DDX19A: variants seen among roughly 807,000 people sequenced by gnomAD.
The protein encoded by DDX19A is DEAD-box helicase 19A, also known as ATP-dependent RNA helicase DDX19A.
A neutral mutation model predicts 60.6 loss-of-function variants in DDX19A; 12 were observed. That is an observed-to-expected ratio of 0.20 (90% CI 0.13 to 0.32). The LOEUF (loss-of-function observed/expected upper bound fraction) is 0.32, where lower values mean the gene tolerates loss of function less well. DDX19A is among the 10% of genes least tolerant of loss of function. DDX19A has a pLI of 1.00. For synonymous variants in DDX19A, 206 were observed against 218.2 expected (o/e 0.94, Z 0.49); for missense variants, 337 against 600.6 (o/e 0.56, Z 4.59).
At chr16:70,361,611 C>A in intron 5 of DDX19A, 101 bp downstream of exon 5, 1 of 849,642 alleles carries the variant, frequency 1.2e-6, no homozygotes, top group Non-Finnish European at 1.9e-6. Flanking sequence ...TTTGGGGCCA[C>A]GTGTTTCCTC....
chr16:70,356,501 C>A (rs1052072218), intron 4 of DDX19A, among the ~76,000 whole-genome samples: 1 of 151,898 alleles, frequency 6.6e-6, no homozygotes, highest in Non-Finnish European at 1.5e-5. Context: ...GGATTACAGG[C>A]GCCCACCACC....
At position 70,359,714 on chromosome 16, in the gene DDX19A, C is replaced by T. The variant is rs551696405; in HGVS notation, c.294-1704C>T. Among the ~76,000 whole-genome samples, 39 of 151,662 alleles carry T rather than the reference C, an allele frequency of 2.6e-4. No individual in the cohort carries two copies. In the East Asian group the frequency reaches 2.9e-3, roughly 11 times the overall value. On this transcript the variant is annotated intron_variant, in intron 4 of 11. Transcript: ENST00000302243. ...CTACAAAAAATAAAAAAAAATTAGC[C>T]GGGTGTGGTGGCATGTGCCTGCAGC... is the stretch of plus-strand genomic sequence containing the variant.
intron 7 of DDX19A, 61 bp from the exon 8 acceptor site, chr16:70,366,024 T>C (rs1475025255): frequency 6.2e-7 from 1 of 1,612,900 alleles, no homozygotes; most frequent in Non-Finnish European, 8.5e-7. Flanking sequence ...GGGCAGGGCT[T>C]TGATTTCCAG....
chr16:70,361,250 CT>C (rs1197355168), intron 4 of DDX19A, among the ~76,000 whole-genome samples, 167 bp from the exon 5 acceptor site: 1 of 152,080 alleles, frequency 6.6e-6, no homozygotes, highest in Non-Finnish European at 1.5e-5. Context: ...AGGGCGGTAG[CT>C]TGGTTTGATT....
At chr16:70,356,289 C>G (rs750327028) in intron 4 of DDX19A, 42 bp downstream of exon 4, 39 of 1,610,146 alleles carry the variant, frequency 2.4e-5, no homozygotes, top group African/African-American at 4.0e-5. Context: ...TTGCCAGTCT[C>G]TCCCCACATA....
chr16:70,371,940 G>T lies in DDX19A; in HGVS notation c.1391G>T (p.Arg464Ile), dbSNP rs756273958. The T allele has an allele frequency of 3.1e-6, 5 of 1,613,872 alleles. No homozygotes were observed. The highest frequency in any genetic ancestry group is 1.3e-5 in the African/African-American group (1 of 74,944). Residue 464 changes from arginine to isoleucine, a missense_variant, in exon 12 of 12, where the codon AGA (arginine) becomes ATA (isoleucine). Coordinates refer to ENST00000302243, the MANE Select transcript of DDX19A (RefSeq NM_018332.5). The part of the protein sequence containing the change: ...IQEHFNKKIE[R>I]LDTDDLDEIE... ...TTTCCCCCAGATAAGAAGATAGAAA[G>T]ATTGGACACAGATGATTTGGACGAG...
At chr16:70,369,173 GTTTTTTTTT>G (rs560443179) in intron 9 of DDX19A, among the ~76,000 whole-genome samples, 1 of 96,342 alleles carries the variant, frequency 1.0e-5, no homozygotes, top group Middle Eastern at 8.1e-3. Flanking sequence ...GGCCAATCTG[GTTTTTTTTT>G]TTTTTTTTTT....
chr16:70,347,132 G>A (rs1963856801), intron 1 of DDX19A, 84 bp downstream of exon 1: 1 of 1,406,248 alleles, frequency 7.1e-7, no homozygotes, highest in Non-Finnish European at 9.8e-7. Context: ...CCCCGGGTTG[G>A]GGAGGCCCCT....
At chr16:70,363,762 T>A (rs1314507311) in intron 5 of DDX19A, 1 of 152,058 alleles carries the variant, frequency 6.6e-6, no homozygotes, top group Non-Finnish European at 1.5e-5. Flanking sequence ...TTTTGTGAGA[T>A]GGAGTCTCGC....
At position 70,373,206 on chromosome 16, in the gene DDX19A, C is replaced by T. The variant is rs2047308448; in HGVS notation, c.*1220C>T. Reference sequence around the variant, plus strand: ...TGAAATGGCGCCACTGCACTCCAGCCTGGGTAACAGAGCGAGACCCCGACT... The same window carrying T: ...TGAAATGGCGCCACTGCACTCCAGCTTGGGTAACAGAGCGAGACCCCGACT... On this transcript the variant is annotated 3_prime_UTR_variant, in exon 12 of 12. Coordinates refer to ENST00000302243, the MANE Select transcript of DDX19A (RefSeq NM_018332.5). 6.6e-6 allele frequency: 1 copy of T among 152,158 alleles called. No individual in the cohort carries two copies. Among genetic ancestry groups the T allele is most frequent in the South Asian group, 2.1e-4 (1 of 4,818 alleles). The allele number at this position is 152,158 out of a possible 1,614,324, so 9.4% of individuals were successfully genotyped here.
chr16:70,350,696 C>T (rs2152223506), intron 2 of DDX19A, 91 bp downstream of exon 2: 2 of 953,578 alleles, frequency 2.1e-6, no homozygotes, highest in East Asian at 2.5e-5. Context: ...GCTGTCATTT[C>T]GTGTAAACTT....
At chr16:70,347,113 C>G (rs1212164585) in intron 1 of DDX19A, 65 bp downstream of exon 1, 1 of 1,517,776 alleles carries the variant, frequency 6.6e-7, no homozygotes, top group Admixed American at 1.9e-5. Flanking sequence ...CCCAAAAGCA[C>G]AGGGAGCTCC....
rs1204848580 is a variant in DDX19A, at chr16:70,365,618, T to A, written c.605-467T>A. 511 of 174,430 alleles carry A rather than the reference T, an allele frequency of 2.9e-3. 11 individuals carry two copies. The highest frequency in any genetic ancestry group is 0.027 in the Admixed American group (437 of 16,290). 10.8% of individuals were successfully genotyped at this position (174,430 alleles called of 1,614,324 possible). On this transcript the variant is annotated intron_variant, in intron 7 of 11. Coordinates refer to ENST00000302243, the MANE Select transcript of DDX19A (RefSeq NM_018332.5). ...CTGGGCAACATAGTAAGACAAAAAA[T>A]AAAAAAAAAAAAATAGCCAAGCGTG...
At chr16:70,355,336 T>C (rs1964152140) in intron 2 of DDX19A, 149 bp from the exon 3 acceptor site, 4 of 605,280 alleles carry the variant, frequency 6.6e-6, no homozygotes, top group South Asian at 2.0e-5. Context: ...GGTTGCGCCA[T>C]TGCACTCCAG....
At chr16:70,350,429 A>G (rs967711239) in intron 1 of DDX19A, 128 bp from the exon 2 acceptor site, 24 of 585,644 alleles carry the variant, frequency 4.1e-5, no homozygotes, top group Non-Finnish European at 6.2e-5. Context: ...TGAGGGAACA[A>G]ACCGACTCCC....
intron 10 of DDX19A, chr16:70,371,055 G>GGAC (rs2151647373): frequency 2.1e-6 from 1 of 485,394 alleles, no homozygotes; most frequent in Admixed American, 3.6e-5. Flanking sequence ...TCCTGACTTG[G>GGAC]TGGAAGGAAA....
intron 10 of DDX19A, 89 bp from the exon 11 acceptor site, chr16:70,371,283 A>T (rs1324993803): frequency 2.5e-6 from 4 of 1,611,342 alleles, no homozygotes; most frequent in Non-Finnish European, 3.4e-6. Context: ...CTCTATCCCA[A>T]AGTTGGTACG....
At chr16:70,371,672 C>G (rs1964692218) in intron 11 of DDX19A, 109 bp downstream of exon 11, 1 of 705,946 alleles carries the variant, frequency 1.4e-6, no homozygotes, top group Non-Finnish European at 2.4e-6. Context: ...CCCTAGCACA[C>G]TCCCCTCCTT....
chr16:70,371,283 A>C (rs1324993803), intron 10 of DDX19A, 89 bp from the exon 11 acceptor site: 1 of 1,611,224 alleles, frequency 6.2e-7, no homozygotes, highest in African/African-American at 1.3e-5. Context: ...CTCTATCCCA[A>C]AGTTGGTACG....
Sources: gnomAD v4.1 joint callset for allele counts (sites outside exome capture counted in the v4.1 genomes callset) on GRCh38, gnomAD v4.1.1 for gene constraint, MANE v1.5 for transcripts, NCBI Gene and HGNC (gene_info 2026-07-23, HGNC 2026-07-21) for gene names.